KDM6A: variants seen among roughly 807,000 people sequenced by gnomAD.
KDM6A encodes the protein lysine demethylase 6A, also known as lysine-specific demethylase 6A.
Under a neutral mutation model 117.6 loss-of-function variants are expected in KDM6A, and 11 were observed. The observed-to-expected ratio is 0.09, with a 90% CI of 0.06 to 0.15. KDM6A has a LOEUF of 0.15. KDM6A is among the 10% of genes least tolerant of loss of function. The pLI, the probability that KDM6A is intolerant of heterozygous loss-of-function variation, is 1.00. For synonymous variants in KDM6A, 384 were observed against 396.1 expected, an observed-to-expected ratio of 0.97 and a Z score of 0.36; for missense variants, 799 against 1,077.3, an observed-to-expected ratio of 0.74 and a Z score of 3.62.
chrX:44,893,590 A>G (rs764915966), intron 2 of KDM6A, among the ~76,000 whole-genome samples: 2 of 103,903 alleles, frequency 1.9e-5, no homozygotes, highest in Non-Finnish European at 3.9e-5. Context: ...GCTCACCACA[A>G]CCTCCGCCTC....
At chrX:45,088,752 A>T (rs958584515) in intron 25 of KDM6A, among the ~76,000 whole-genome samples, 35 of 113,133 alleles carry the variant, frequency 3.1e-4, no homozygotes, top group African/African-American at 9.6e-4. Flanking sequence ...CTTTTATGGG[A>T]AAGGTTGCTA....
intron 3 of KDM6A, among the ~76,000 whole-genome samples, chrX:44,968,947 A>G (rs1009819416): frequency 1.3e-4 from 13 of 101,769 alleles, no homozygotes; most frequent in Non-Finnish European, 2.6e-4. Context: ...TCCAGCCTGG[A>G]CAGTAAGAAT....
chrX:45,087,673 A>G (rs891647319), intron 25 of KDM6A, among the ~76,000 whole-genome samples: 1 of 112,272 alleles, frequency 8.9e-6, no homozygotes, highest in Non-Finnish European at 1.9e-5. Context: ...TAGTACAGGA[A>G]TCCTTGTTCA....
intron 29 of KDM6A, among the ~76,000 whole-genome samples, chrX:45,110,573 G>C (rs1378475420): frequency 9.0e-6 from 1 of 111,560 alleles, no homozygotes; most frequent in Admixed American, 9.6e-5. Context: ...TAAAATGTTT[G>C]TGTACGTAGG....
chrX:45,103,930 C>G (rs1292524263), intron 27 of KDM6A, among the ~76,000 whole-genome samples: 1 of 111,674 alleles, frequency 9.0e-6, no homozygotes, highest in Non-Finnish European at 1.9e-5. Flanking sequence ...GACCTTGTTT[C>G]TAAAGTACAC....
chrX:44,893,552 C>T (rs138255849), intron 2 of KDM6A, among the ~76,000 whole-genome samples: 3,598 of 102,484 alleles, frequency 0.035, 211 homozygotes, highest in African/African-American at 0.13. Context: ...CTCTGTTGCC[C>T]AGGCTGGAGT....
At chrX:45,042,262 A>ACC (rs1262262838) in intron 8 of KDM6A, among the ~76,000 whole-genome samples, 3 of 5,147 alleles carry the variant, frequency 5.8e-4, no homozygotes, top group Admixed American at 7.7e-3. Flanking sequence ...GTGGAGGGAG[A>ACC]GGGGAGAGGG....
intron 6 of KDM6A, among the ~76,000 whole-genome samples, chrX:45,029,005 CTT>C (rs2042491226): frequency 8.9e-6 from 1 of 112,333 alleles, no homozygotes; most frequent in Non-Finnish European, 1.9e-5. Flanking sequence ...CAGTTTCTCT[CTT>C]CTAGTATATT....
intron 27 of KDM6A, among the ~76,000 whole-genome samples, chrX:45,101,238 G>A (rs897918037): frequency 3.6e-5 from 4 of 111,026 alleles, no homozygotes; most frequent in Admixed American, 9.6e-5. Flanking sequence ...GGGGAACTGC[G>A]GACAGATTGC....
chrX:45,020,462 C>G (rs1317871377), intron 5 of KDM6A, 148 bp from the exon 6 acceptor site: 2 of 559,635 alleles, frequency 3.6e-6, no homozygotes, highest in South Asian at 6.7e-5. Flanking sequence ...TTCAATTTTA[C>G]TTTTTTAGTA....
At chrX:44,965,716 TAAC>T (rs1318334193) in intron 3 of KDM6A, among the ~76,000 whole-genome samples, 2 of 111,775 alleles carry the variant, frequency 1.8e-5, no homozygotes, top group African/African-American at 3.3e-5. Flanking sequence ...TCATAACAGA[TAAC>T]AATAATAATG....
intron 3 of KDM6A, among the ~76,000 whole-genome samples, chrX:44,969,110 A>G (rs893204835): frequency 1.8e-5 from 2 of 111,636 alleles, no homozygotes; most frequent in African/African-American, 6.5e-5. Flanking sequence ...TGTAATAATC[A>G]TTCCTGACAT....
chrX:44,928,245 T>G (rs996524929), intron 2 of KDM6A, among the ~76,000 whole-genome samples: 2 of 112,061 alleles, frequency 1.8e-5, no homozygotes, highest in African/African-American at 6.5e-5. Flanking sequence ...GACAATGCCC[T>G]TGTTCTTAGG....
rs746234358 is a variant in KDM6A at position 44,995,934 on chromosome X, A to G, written c.385-15027A>G. ...GCCAGGTAGTATTTTTAAGTATTTT[A>G]CATGTATCATCTCATTTAATTCCTC... On this transcript the variant is annotated intron_variant, in intron 4 of 29. Transcript: ENST00000611820. 2.7e-5 allele frequency among the ~76,000 whole-genome samples: 3 copies of G among 112,210 alleles called. No individual in the cohort carries two copies. In the East Asian group the frequency reaches 8.4e-4, roughly 31 times the overall value.
intron 2 of KDM6A, among the ~76,000 whole-genome samples, chrX:44,896,075 A>AT (rs34097389): frequency 0.019 from 1,890 of 99,374 alleles, 26 homozygotes; most frequent in African/African-American, 0.04. Flanking sequence ...TTAAAAATAA[A>AT]TTTTTTTTTT....
intron 27 of KDM6A, among the ~76,000 whole-genome samples, chrX:45,099,192 T>A (rs2046235871): frequency 9.0e-6 from 1 of 111,342 alleles, no homozygotes; most frequent in Admixed American, 9.6e-5. Flanking sequence ...GTTATTCTCC[T>A]ACATACCTGT....
chrX:45,087,554 T>C (rs1008397790), intron 25 of KDM6A, among the ~76,000 whole-genome samples: 3 of 112,380 alleles, frequency 2.7e-5, no homozygotes, highest in African/African-American at 9.7e-5. Flanking sequence ...ACTTTTTTTA[T>C]GGACCAGTAG....
At chrX:44,909,064 A>G (rs2034913078) in intron 2 of KDM6A, among the ~76,000 whole-genome samples, 1 of 112,084 alleles carries the variant, frequency 8.9e-6, no homozygotes, top group Non-Finnish European at 1.9e-5. Flanking sequence ...GAACAGTAGT[A>G]GCAATTTGAA....
chrX:44,929,474 T>G (rs1218515972), intron 2 of KDM6A, among the ~76,000 whole-genome samples: 1 of 111,846 alleles, frequency 8.9e-6, no homozygotes, highest in East Asian at 2.8e-4. Flanking sequence ...AGGCATGTTG[T>G]GTGCATCAAT....
Sources: allele counts gnomAD v4.1 joint callset (sites outside exome capture counted in the v4.1 genomes callset), GRCh38; gene constraint gnomAD v4.1.1; transcripts MANE v1.5; gene names NCBI Gene and HGNC (gene_info 2026-07-23, HGNC 2026-07-21).